CDC42BPA: variants seen among roughly 807,000 people sequenced by gnomAD.
CDC42BPA encodes the protein serine/threonine-protein kinase MRCK alpha.
In CDC42BPA, 80 loss-of-function variants were observed where a neutral mutation model predicts 223.5. The ratio of observed to expected loss-of-function variants is 0.36; its 90% confidence interval spans 0.30 to 0.43. The LOEUF is 0.43. Ranked by LOEUF, CDC42BPA falls within the 20% of genes least tolerant of loss-of-function variation. The pLI is 1.00. For missense variants in CDC42BPA, 1,743 were observed against 2,099.9 expected (o/e 0.83, Z 3.32); for synonymous variants, 694 against 718.6 (o/e 0.97, Z 0.55).
At chr1:227,312,581 G>C (rs142101646) in intron 1 of CDC42BPA, among the ~76,000 whole-genome samples, 2 of 152,144 alleles carry the variant, frequency 1.3e-5, no homozygotes, top group African/African-American at 4.8e-5. Context: ...AGCTGGGTGT[G>C]GTGGTGCATG....
chr1:227,042,122 A>C (rs1432423165), intron 23 of CDC42BPA, among the ~76,000 whole-genome samples: 1 of 152,174 alleles, frequency 6.6e-6, no homozygotes, highest in Non-Finnish European at 1.5e-5. Flanking sequence ...TTAGTCCTAG[A>C]GGCTTTGAAT....
chr1:227,175,866 G>A (rs758506811), intron 5 of CDC42BPA, among the ~76,000 whole-genome samples: 5 of 152,166 alleles, frequency 3.3e-5, no homozygotes, highest in African/African-American at 1.2e-4. Flanking sequence ...AATCGTATGT[G>A]AGGACGATAA....
intron 10 of CDC42BPA, among the ~76,000 whole-genome samples, chr1:227,129,627 A>G (rs535044934): frequency 7.5e-6 from 1 of 133,096 alleles, no homozygotes; most frequent in South Asian, 2.7e-4. Flanking sequence ...TGATCATGGC[A>G]CTGTACTCCA....
At chr1:227,164,767 C>A (rs939644610) in intron 5 of CDC42BPA, among the ~76,000 whole-genome samples, 1 of 152,236 alleles carries the variant, frequency 6.6e-6, no homozygotes, top group South Asian at 2.1e-4. Flanking sequence ...CTCTGGAAAC[C>A]AGATCCTAGT....
intron 10 of CDC42BPA, among the ~76,000 whole-genome samples, chr1:227,136,284 T>C (rs890502267): frequency 6.6e-6 from 1 of 152,030 alleles, no homozygotes; most frequent in Non-Finnish European, 1.5e-5. Flanking sequence ...GCAAAATGGA[T>C]AAAGCAGAAG....
chr1:227,035,340 A>C (rs79485308), intron 25 of CDC42BPA, 131 bp downstream of exon 25: 17,330 of 667,188 alleles, frequency 0.026, 279 homozygotes, highest in Middle Eastern at 0.04. Flanking sequence ...TCTAGATGAA[A>C]TAAAATTATT....
At chr1:227,135,574 G>A (rs1217080861) in intron 10 of CDC42BPA, among the ~76,000 whole-genome samples, 3 of 152,064 alleles carry the variant, frequency 2.0e-5, no homozygotes, top group Admixed American at 6.5e-5. Flanking sequence ...GCAATTTAGG[G>A]GCAGGCACAG....
At chr1:227,267,578 T>C (rs1415035060) in intron 1 of CDC42BPA, among the ~76,000 whole-genome samples, 1 of 152,202 alleles carries the variant, frequency 6.6e-6, no homozygotes, top group Non-Finnish European at 1.5e-5. Flanking sequence ...GTTTTCACAC[T>C]TCTATAAAGA....
chr1:227,209,253 T>G (rs1021139956), intron 3 of CDC42BPA, among the ~76,000 whole-genome samples: 3 of 150,228 alleles, frequency 2.0e-5, no homozygotes, highest in Non-Finnish European at 4.4e-5. Context: ...AAGGAGATTT[T>G]GAGCTGAGAC....
chr1:227,145,435 A>G, intron 8 of CDC42BPA, 54 bp downstream of exon 8: 1 of 1,505,530 alleles, frequency 6.6e-7, no homozygotes, highest in Non-Finnish European at 9.0e-7. Context: ...ATTACTATAT[A>G]ACCATAGTAG....
At chr1:227,148,972 C>A (rs1309687298) in intron 6 of CDC42BPA, among the ~76,000 whole-genome samples, 5 of 151,818 alleles carry the variant, frequency 3.3e-5, no homozygotes, top group Admixed American at 6.6e-5. Flanking sequence ...CAAATTTTAA[C>A]ATACACAAAA....
rs1310861955 is a variant in CDC42BPA, at chr1:227,031,481, T to C, written c.3592A>G (p.Lys1198Glu). ...TCTGCTAGCATCAGGATTGAACATT[T>C]GTTATTAGATGCTGAGAGCTGGGAA... ...TASQLSASNN[K>E]CSILMLADTE... The change falls in exon 28 of 37, where the codon AAA becomes GAA. Residue 1198 changes from lysine (K) to glutamate (E), a missense_variant. Transcript: ENST00000366766. 1 of 1,614,120 alleles carries C rather than the reference T, an allele frequency of 6.2e-7. No homozygotes were observed. The highest frequency in any genetic ancestry group is 8.5e-7 in the Non-Finnish European group (1 of 1,179,980).
chr1:227,165,524 A>C (rs1664887317), intron 5 of CDC42BPA, among the ~76,000 whole-genome samples: 1 of 152,200 alleles, frequency 6.6e-6, no homozygotes, highest in Non-Finnish European at 1.5e-5. Flanking sequence ...TTAGATAAGA[A>C]AGGAAAAAAT....
In CDC42BPA at chr1:226,990,407, CAA is replaced by C. The variant is rs1206780962; in HGVS notation, c.*3859_*3860del. ...CACAGAGAACTCTGGACTTGAGTAA[CAA>C]AGTCATAAGGAAAGAGATTTTAAAA... On this transcript the variant is annotated 3_prime_UTR_variant, in exon 37 of 37. Transcript: ENST00000366766. 6.6e-6 allele frequency: 1 copy of C among 152,176 alleles called. No homozygotes were observed. The highest frequency in any genetic ancestry group is 1.5e-5 in the Non-Finnish European group (1 of 68,052). 9.4% of individuals were successfully genotyped at this position (152,176 alleles called of 1,614,324 possible). A position where few individuals can be genotyped will look rare whatever the true frequency, so the allele number is the denominator to read the frequency against.
At chr1:227,131,120 CTTA>C (rs1657016838) in intron 10 of CDC42BPA, among the ~76,000 whole-genome samples, 1 of 151,342 alleles carries the variant, frequency 6.6e-6, no homozygotes, top group Non-Finnish European at 1.5e-5. Context: ...TACTACTCTT[CTTA>C]TTATTCTTAG....
At chr1:227,047,749 CTGT>C (rs1257918971) in intron 23 of CDC42BPA, among the ~76,000 whole-genome samples, 175 bp downstream of exon 23, 1 of 152,132 alleles carries the variant, frequency 6.6e-6, no homozygotes, top group Non-Finnish European at 1.5e-5. Context: ...TGAAAAAGTG[CTGT>C]ACGCTCTCCC....
intron 21 of CDC42BPA, among the ~76,000 whole-genome samples, chr1:227,057,903 A>T (rs1457430938): frequency 6.6e-6 from 1 of 152,168 alleles, no homozygotes; most frequent in Non-Finnish European, 1.5e-5. Context: ...GACATAATTA[A>T]TCCATAATAA....
At chr1:227,159,422 GT>G (rs1294510891) in intron 6 of CDC42BPA, among the ~76,000 whole-genome samples, 40 of 152,026 alleles carry the variant, frequency 2.6e-4, no homozygotes, top group Non-Finnish European at 2.5e-4. Context: ...GGAGGCGGAG[GT>G]TGCAGTGAGC....
intron 5 of CDC42BPA, among the ~76,000 whole-genome samples, chr1:227,173,652 A>G (rs1666472684): frequency 6.6e-6 from 1 of 152,126 alleles, no homozygotes; most frequent in African/African-American, 2.4e-5. Flanking sequence ...ACTATCATAT[A>G]TGTATGCTGG....
Sources: allele counts gnomAD v4.1 joint callset (sites outside exome capture counted in the v4.1 genomes callset), GRCh38; gene constraint gnomAD v4.1.1; transcripts MANE v1.5; gene names NCBI Gene and HGNC (gene_info 2026-07-23, HGNC 2026-07-21).